HMG20A: variants seen among roughly 807,000 people sequenced by gnomAD.
HMG20A encodes high mobility group 20A.
HMG20A carries 17 observed loss-of-function variants against 43.9 expected under a neutral mutation model. That is an observed-to-expected ratio of 0.39 (90% CI 0.27 to 0.58). The LOEUF is 0.58. Ranked by LOEUF, HMG20A falls within the 20% of genes least tolerant of loss-of-function variation. HMG20A has a pLI of 0.59. For missense variants in HMG20A, 341 were observed against 438.2 expected, an observed-to-expected ratio of 0.78 and a Z score of 1.98; for synonymous variants, 132 against 147.5, an observed-to-expected ratio of 0.89 and a Z score of 0.76.
chr15:77,471,726 G>T lies in HMG20A; in HGVS notation c.584-57G>T, dbSNP rs902364411. ...TAGTTTGGCAGAGTCGTATACTTGG[G>T]TTTTGTTATTGCTTTCTTTTTAAAT... On this transcript the variant is annotated intron_variant, in intron 5 of 9. Coordinates refer to ENST00000336216, the MANE Select transcript of HMG20A (RefSeq NM_001304504.2). The T allele has an allele frequency of 3.5e-6, 4 of 1,141,026 alleles. No individual in the cohort carries two copies. In the East Asian group the frequency reaches 9.4e-5, roughly 27 times the overall value. 70.7% of individuals were successfully genotyped at this position (1,141,026 alleles called of 1,614,324 possible).
chr15:77,504,539 G>A, the HMG20A span, among the ~76,000 whole-genome samples: 30 of 152,284 alleles, frequency 2.0e-4, no homozygotes, highest in East Asian at 2.9e-3. Flanking sequence ...GGTGCTCCCC[G>A]CTGGGGCTGG....
At chr15:77,496,028 T>C in the HMG20A span, among the ~76,000 whole-genome samples, 6 of 152,130 alleles carry the variant, frequency 3.9e-5, no homozygotes, top group African/African-American at 4.8e-5. Context: ...GACAAAGGAC[T>C]GTGAGGGAGG....
chr15:77,450,821 TG>T (rs2073728790), intron 1 of HMG20A, among the ~76,000 whole-genome samples: 1 of 152,238 alleles, frequency 6.6e-6, no homozygotes, highest in Non-Finnish European at 1.5e-5. Context: ...TTTCATACAA[TG>T]AAGGAGAGTT....
chr15:77,454,415 T>A (rs1398134738), intron 1 of HMG20A, among the ~76,000 whole-genome samples: 2 of 152,124 alleles, frequency 1.3e-5, no homozygotes, highest in African/African-American at 4.8e-5. Context: ...TTTAGTATGC[T>A]TTTTGTCGTG....
chr15:77,500,248 G>C, the HMG20A span, among the ~76,000 whole-genome samples: 1 of 152,166 alleles, frequency 6.6e-6, no homozygotes, highest in South Asian at 2.1e-4. Context: ...CTAAGACTTA[G>C]CTAGGTTAAA....
chr15:77,435,325 C>T (rs964653141), intron 1 of HMG20A, among the ~76,000 whole-genome samples: 2 of 152,114 alleles, frequency 1.3e-5, no homozygotes, highest in African/African-American at 4.8e-5. Flanking sequence ...TCTCTGTCAC[C>T]CAGGCTGGAG....
intron 1 of HMG20A, among the ~76,000 whole-genome samples, chr15:77,454,038 C>T (rs543321261): frequency 1.3e-5 from 2 of 151,068 alleles, no homozygotes; most frequent in African/African-American, 2.4e-5. Context: ...ATTAGCCAGG[C>T]GTGGTCCTAG....
chr15:77,519,688 A>G, the HMG20A span, among the ~76,000 whole-genome samples: 2 of 152,180 alleles, frequency 1.3e-5, no homozygotes, highest in African/African-American at 4.8e-5. Flanking sequence ...CAGCTTTCAG[A>G]ACTGCAAGCA....
intron 1 of HMG20A, among the ~76,000 whole-genome samples, chr15:77,427,713 A>G (rs1246920279): frequency 6.6e-6 from 1 of 151,752 alleles, no homozygotes; most frequent in Non-Finnish European, 1.5e-5. Context: ...TATTCAGCTC[A>G]AAAAAAAATT....
intron 2 of HMG20A, among the ~76,000 whole-genome samples, chr15:77,459,037 C>T (rs1290957285): frequency 6.6e-6 from 1 of 152,120 alleles, no homozygotes; most frequent in East Asian, 1.9e-4. Flanking sequence ...AATCTCTGTT[C>T]CACTTGAATT....
chr15:77,426,113 G>T (rs947077766), intron 1 of HMG20A, among the ~76,000 whole-genome samples: 7 of 152,198 alleles, frequency 4.6e-5, no homozygotes, highest in Non-Finnish European at 1.0e-4. Context: ...GAATGGGAGT[G>T]ACTGCTAGTA....
chr15:77,458,563 G>A, intron 2 of HMG20A, 67 bp downstream of exon 2: 3 of 1,101,128 alleles, frequency 2.7e-6, no homozygotes, highest in Admixed American at 1.9e-5. Flanking sequence ...AGCAAAGTAA[G>A]AGGTCCTAAA....
rs1235494783 is a variant in HMG20A at position 77,467,206 on chromosome 15, C to T, written c.349C>T (p.Arg117Cys). The T allele has an allele frequency of 1.9e-6, 3 of 1,614,050 alleles. No homozygotes were observed. Among genetic ancestry groups the T allele is most frequent in the East Asian group, 2.2e-5 (1 of 44,872 alleles). Residue 117 changes from arginine to cysteine, a missense_variant, in exon 4 of 10, where the codon CGT (arginine) becomes TGT (cysteine). By Grantham distance (180) the Arg-to-Cys change is radical. Coordinates refer to ENST00000336216, the MANE Select transcript of HMG20A (RefSeq NM_001304504.2). ...AGGATATGTTCGGTTCATGAATGAG[C>T]GTCGAGAACAACTTCGAGCAAAGAG... ...LTGYVRFMNE[R>C]REQLRAKRPE...
rs1300036461 is a variant in HMG20A at position 77,483,356 on chromosome 15, C to G, written c.*393C>G. 1 of 152,260 alleles carries G rather than the reference C, an allele frequency of 6.6e-6. No homozygotes were observed. Among genetic ancestry groups the G allele is most frequent in the Non-Finnish European group, 1.5e-5 (1 of 68,032 alleles). 9.4% of individuals were successfully genotyped at this position (152,260 alleles called of 1,614,324 possible). Reference sequence around the variant, plus strand: ...CGCTTAGACCCTTTTATCAGTGGAGCTCCAGTTTTCTTACCTAGCTGTCAC... The same window carrying G: ...CGCTTAGACCCTTTTATCAGTGGAGGTCCAGTTTTCTTACCTAGCTGTCAC... On this transcript the variant is annotated 3_prime_UTR_variant, in exon 10 of 10. Coordinates refer to ENST00000336216, the MANE Select transcript of HMG20A (RefSeq NM_001304504.2).
chr15:77,503,103 AG>A, the HMG20A span, among the ~76,000 whole-genome samples: 1 of 152,206 alleles, frequency 6.6e-6, no homozygotes, highest in Non-Finnish European at 1.5e-5. Context: ...TTCTTTTTTA[AG>A]GAAGATGCAA....
chr15:77,453,730 T>A (rs2072627525), intron 1 of HMG20A, among the ~76,000 whole-genome samples: 2 of 152,214 alleles, frequency 1.3e-5, no homozygotes, highest in African/African-American at 2.4e-5. Context: ...CAGTATAATA[T>A]TATTCAGCCA....
intron 1 of HMG20A, among the ~76,000 whole-genome samples, chr15:77,445,968 C>T (rs2073669528): frequency 6.6e-6 from 1 of 152,214 alleles, no homozygotes; most frequent in East Asian, 1.9e-4. Context: ...CAAAGCAGAA[C>T]CACAGATAAG....
downstream of HMG20A, among the ~76,000 whole-genome samples, chr15:77,487,609 C>A (rs11629652): frequency 0.24 from 36,753 of 152,114 alleles, 5,153 homozygotes; most frequent in Middle Eastern, 0.36. Flanking sequence ...TAATACTTCC[C>A]CTAGTTGTTT....
chr15:77,439,475 A>C (rs112062895), intron 1 of HMG20A, among the ~76,000 whole-genome samples: 1 of 152,160 alleles, frequency 6.6e-6, no homozygotes, highest in Non-Finnish European at 1.5e-5. Context: ...TGAGCTTCAT[A>C]TAAATATATT....
Sources: allele counts gnomAD v4.1 joint callset (sites outside exome capture counted in the v4.1 genomes callset), GRCh38; gene constraint gnomAD v4.1.1; transcripts MANE v1.5; gene names NCBI Gene and HGNC (gene_info 2026-07-23, HGNC 2026-07-21).